INKA2: variants seen among roughly 807,000 people sequenced by gnomAD.
The protein encoded by INKA2 is PAK4-inhibitor INKA2.
In INKA2, 3 loss-of-function variants were observed where a neutral mutation model predicts 9.8. That is an observed-to-expected ratio of 0.31 (90% CI 0.14 to 0.79). The LOEUF is 0.79. Among genes scored for constraint, INKA2 ranks in the 30% least tolerant of loss-of-function variants. The pLI is 0.62. For missense variants in INKA2, 392 were observed against 384.4 expected, an observed-to-expected ratio of 1.02 and a Z score of -0.17; for synonymous variants, 147 against 143.3, an observed-to-expected ratio of 1.03 and a Z score of -0.18.
chr1:111,749,242 T>A (rs1323281793), intron 1 of INKA2, among the ~76,000 whole-genome samples: 5 of 152,106 alleles, frequency 3.3e-5, no homozygotes, highest in Non-Finnish European at 7.4e-5. Flanking sequence ...TCGGCCTGGA[T>A]TCTGGGGTCT....
intron 1 of INKA2, chr1:111,755,544 G>C (rs197391): frequency 0.13 from 98,350 of 783,310 alleles, 8,492 homozygotes; most frequent in African/African-American, 0.37. Context: ...GCACGAGACG[G>C]GGGCGTGACG....
At position 111,724,072 on chromosome 1, in the gene INKA2, T is replaced by G. The variant is rs1282734483; in HGVS notation, c.*2896A>C. 6.6e-6 allele frequency: 1 copy of G among 152,256 alleles called. No homozygotes were observed. Among genetic ancestry groups the G allele is most frequent in the African/African-American group, 2.4e-5 (1 of 41,460 alleles). 9.4% of individuals were successfully genotyped at this position (152,256 alleles called of 1,614,324 possible). A position where few individuals can be genotyped will look rare whatever the true frequency, so the allele number is the denominator to read the frequency against. ...CCTGTCCATGTAAAACAAGAGCAACTGCTTTCAGTGTGTAGTGAGAAGGAA... is the reference window on the plus strand; with the variant it reads ...CCTGTCCATGTAAAACAAGAGCAACGGCTTTCAGTGTGTAGTGAGAAGGAA... On this transcript the variant is annotated 3_prime_UTR_variant, in exon 2 of 2. Coordinates refer to ENST00000357260, the MANE Select transcript of INKA2 (RefSeq NM_019099.5).
At chr1:111,728,231 C>T (rs1426367874) in intron 1 of INKA2, among the ~76,000 whole-genome samples, 1 of 152,090 alleles carries the variant, frequency 6.6e-6, no homozygotes, top group Non-Finnish European at 1.5e-5. Flanking sequence ...TGAGTCTGAG[C>T]GCTCTTCCTC....
intron 1 of INKA2, among the ~76,000 whole-genome samples, chr1:111,735,279 G>A (rs1420406599): frequency 3.3e-5 from 5 of 152,150 alleles, no homozygotes; most frequent in East Asian, 3.8e-4. Context: ...CATGTTCTAT[G>A]TATGAATGAC....
At position 111,722,736 on chromosome 1, in the gene INKA2, A is replaced by C; in HGVS notation, c.*4232T>G. The C allele has an allele frequency of 4.0e-6, 1 of 252,806 alleles. No individual in the cohort carries two copies. Among genetic ancestry groups the C allele is most frequent in the Non-Finnish European group, 7.7e-6 (1 of 129,700 alleles). The allele number at this position is 252,806 out of a possible 1,614,324, so 15.7% of individuals were successfully genotyped here. A position where few individuals can be genotyped will look rare whatever the true frequency, so the allele number is the denominator to read the frequency against. The stretch of plus-strand genomic sequence containing the variant: ...AACATGTCACCTATTGTCTTCTCTG[A>C]CCCTTGCTACAATCCTGTGAGATAT... On this transcript the variant is annotated 3_prime_UTR_variant, in exon 2 of 2. Coordinates refer to ENST00000357260, the MANE Select transcript of INKA2 (RefSeq NM_019099.5).
upstream of INKA2, among the ~76,000 whole-genome samples, chr1:111,741,783 T>C (rs1663156705): frequency 6.6e-6 from 1 of 152,230 alleles, no homozygotes; most frequent in Non-Finnish European, 1.5e-5. Flanking sequence ...TGGTGTGATC[T>C]TGGCTCACTG....
At chr1:111,731,422 C>T (rs1315120142) in intron 1 of INKA2, among the ~76,000 whole-genome samples, 1 of 151,908 alleles carries the variant, frequency 6.6e-6, no homozygotes, top group Middle Eastern at 3.2e-3. Context: ...ATGATCTCAG[C>T]TCACCACAAC....
Position 111,727,714 on chromosome 1 carries a change from T to G in INKA2, c.148A>C (p.Thr50Pro). ...GAGATCTCCAGCTGTTCCAGTGCTG[T>G]CTGCACCTGGAGGAGCTTCAGTTCT... ...LQELKLLQVQTALEQLEISGG... is the reference protein window; with the variant it reads ...LQELKLLQVQPALEQLEISGG... The change falls in exon 2 of 2, where the codon ACA (threonine) becomes CCA (proline). Residue 50 changes from threonine to proline, a missense_variant. Physicochemically the swap from Thr to Pro is conservative, Grantham distance 38 (BLOSUM62 -1). Transcript: ENST00000357260. 6.2e-7 allele frequency: 1 copy of G among 1,614,008 alleles called. No homozygotes were observed. The highest frequency in any genetic ancestry group is 8.5e-7 in the Non-Finnish European group (1 of 1,179,976).
intron 1 of INKA2, among the ~76,000 whole-genome samples, chr1:111,728,418 A>G (rs1224728686): frequency 6.6e-6 from 1 of 152,182 alleles, no homozygotes; most frequent in Non-Finnish European, 1.5e-5. Context: ...GAAGGGGTGA[A>G]GTAACTTACG....
At chr1:111,735,380 A>C (rs1245702200) in intron 1 of INKA2, among the ~76,000 whole-genome samples, 2 of 152,238 alleles carry the variant, frequency 1.3e-5, no homozygotes, top group African/African-American at 4.8e-5. Context: ...TGTGTGAAAG[A>C]CAAATAGTTG....
At chr1:111,754,151 G>C (rs1241792944) in intron 1 of INKA2, 1 of 152,240 alleles carries the variant, frequency 6.6e-6, no homozygotes, top group Non-Finnish European at 1.5e-5. Context: ...CTTGTGCTTG[G>C]TAAATTGTTA....
At chr1:111,739,640 G>A (rs1221910271), upstream of INKA2, among the ~76,000 whole-genome samples, 1 of 152,216 alleles carries the variant, frequency 6.6e-6, no homozygotes, top group African/African-American at 2.4e-5. Flanking sequence ...AGGCTGTACC[G>A]CGGCCCCCAA....
At position 111,723,169 on chromosome 1, in the gene INKA2, G is replaced by T; in HGVS notation, c.*3799C>A. Reference sequence around the variant, plus strand: ...CTGCTCTGGAGAAGGTGGGGACAAGGTGTGCTCTTGCTCTTGTCCAGACCA... The same window carrying T: ...CTGCTCTGGAGAAGGTGGGGACAAGTTGTGCTCTTGCTCTTGTCCAGACCA... On this transcript the variant is annotated 3_prime_UTR_variant, in exon 2 of 2. Coordinates refer to ENST00000357260, the MANE Select transcript of INKA2 (RefSeq NM_019099.5). 1.5e-6 allele frequency: 1 copy of T among 678,734 alleles called. No homozygotes were observed. The highest frequency in any genetic ancestry group is 1.6e-5 in the South Asian group (1 of 64,168). 42.0% of individuals were successfully genotyped at this position (678,734 alleles called of 1,614,324 possible). A position where few individuals can be genotyped will look rare whatever the true frequency, so the allele number is the denominator to read the frequency against.
chr1:111,749,651 A>G (rs773263586), intron 1 of INKA2, among the ~76,000 whole-genome samples: 4 of 152,206 alleles, frequency 2.6e-5, no homozygotes, highest in Admixed American at 6.5e-5. Context: ...TTAGGGTGAT[A>G]GAAATTCTTT....
chr1:111,731,039 G>A (rs563698809), intron 1 of INKA2, among the ~76,000 whole-genome samples: 1 of 152,330 alleles, frequency 6.6e-6, no homozygotes, highest in Admixed American at 6.5e-5. Flanking sequence ...CCAGGTCGGA[G>A]GTAGAGGGAG....
intron 1 of INKA2, 81 bp downstream of exon 1, chr1:111,739,105 C>A (rs1663077743): frequency 1.4e-6 from 2 of 1,399,982 alleles, no homozygotes; most frequent in Non-Finnish European, 2.0e-6. Flanking sequence ...TACGTCCCGG[C>A]TCCCCGGGGG....
In INKA2 at chr1:111,723,526, A is replaced by C; in HGVS notation, c.*3442T>G. On this transcript the variant is annotated 3_prime_UTR_variant, in exon 2 of 2. Transcript: ENST00000357260. ...CCTGGGCCAATCAGGTGGCCCTTGTACCTGCCAGGGAAGTGGGGCAGGGTG... is the reference window on the plus strand; with the variant it reads ...CCTGGGCCAATCAGGTGGCCCTTGTCCCTGCCAGGGAAGTGGGGCAGGGTG... 5.4e-6 allele frequency: 1 copy of C among 184,942 alleles called. No individual in the cohort carries two copies. Among genetic ancestry groups the C allele is most frequent in the African/African-American group, 2.3e-5 (1 of 42,674 alleles). The allele number at this position is 184,942 out of a possible 1,614,324, so 11.5% of individuals were successfully genotyped here.
At position 111,727,525 on chromosome 1, in the gene INKA2, C is replaced by T; in HGVS notation, c.337G>A (p.Gly113Arg). ...CTGGGCAAGGGGGCTAAATCCCTTC[C>T]ACAGACACTCCTATGGGATGGAAAC... ...TKFPSHRSVCGRDLAPLPRTQ... is the reference protein window; with the variant it reads ...TKFPSHRSVCRRDLAPLPRTQ... Residue 113 changes from glycine (G) to arginine (R), a missense_variant, in exon 2 of 2, where the codon GGA (glycine) becomes AGA (arginine). Transcript: ENST00000357260. 1.9e-6 allele frequency: 3 copies of T among 1,614,156 alleles called. No homozygotes were observed. The highest frequency in any genetic ancestry group is 2.5e-6 in the Non-Finnish European group (3 of 1,180,008).
chr1:111,745,257 CAG>C (rs1194060309), intron 1 of INKA2: 3 of 103,096 alleles, frequency 2.9e-5, no homozygotes, highest in African/African-American at 1.2e-4. Flanking sequence ...CACACACACA[CAG>C]AGATATTATA....
Sources: allele counts gnomAD v4.1 joint callset (sites outside exome capture counted in the v4.1 genomes callset), GRCh38; gene constraint gnomAD v4.1.1; transcripts MANE v1.5; gene names NCBI Gene and HGNC (gene_info 2026-07-23, HGNC 2026-07-21).